ZDHHC21: variants seen among roughly 807,000 people sequenced by gnomAD.
The protein encoded by ZDHHC21 is zDHHC palmitoyltransferase 21, also known as palmitoyltransferase ZDHHC21.
A neutral mutation model predicts 34.6 loss-of-function variants in ZDHHC21; 15 were observed. The ratio of observed to expected loss-of-function variants is 0.43; its 90% confidence interval spans 0.29 to 0.67. ZDHHC21 has a LOEUF of 0.67. Ranked by LOEUF, ZDHHC21 falls within the 30% of genes least tolerant of loss-of-function variation. The pLI, the probability that ZDHHC21 is intolerant of heterozygous loss-of-function variation, is 0.14. For synonymous variants in ZDHHC21, 142 were observed against 101.8 expected, an observed-to-expected ratio of 1.40 and a Z score of -2.38; for missense variants, 344 against 327.7, an observed-to-expected ratio of 1.05 and a Z score of -0.38.
At chr9:14,672,970 C>A in intron 4 of ZDHHC21, 42 bp from the exon 5 acceptor site, 1 of 1,238,214 alleles carries the variant, frequency 8.1e-7, no homozygotes. Flanking sequence ...ACTTACCCTT[C>A]AAAACATTTT....
At chr9:14,647,293 G>A (rs112428852) in intron 7 of ZDHHC21, among the ~76,000 whole-genome samples, 3,986 of 152,098 alleles carry the variant, frequency 0.026, 84 homozygotes, top group Non-Finnish European at 0.04. Context: ...CTTAATGCAA[G>A]CTAAATGAAA....
chr9:14,592,956 T>G, the ZDHHC21 span, among the ~76,000 whole-genome samples: 1 of 152,224 alleles, frequency 6.6e-6, no homozygotes, highest in Middle Eastern at 3.4e-3. Flanking sequence ...TAAGATAGTT[T>G]TAATTGAATA....
intron 1 of ZDHHC21, among the ~76,000 whole-genome samples, chr9:14,692,813 A>G (rs1839352658): frequency 6.6e-6 from 1 of 152,114 alleles, no homozygotes; most frequent in Non-Finnish European, 1.5e-5. Flanking sequence ...GCACAGAGAA[A>G]CCCGGGATCC....
At chr9:14,668,269 A>C (rs10961646) in intron 5 of ZDHHC21, among the ~76,000 whole-genome samples, 48,507 of 129,928 alleles carry the variant, frequency 0.37, 8,496 homozygotes, top group Non-Finnish European at 0.39. Flanking sequence ...AAAGAGAATA[A>C]AATACCTAGG....
chr9:14,679,481 C>A (rs966691264), intron 3 of ZDHHC21, among the ~76,000 whole-genome samples: 4 of 152,040 alleles, frequency 2.6e-5, no homozygotes, highest in Non-Finnish European at 4.4e-5. Context: ...AATTTCTGCA[C>A]AAGTGCAGGA....
intron 8 of ZDHHC21, among the ~76,000 whole-genome samples, chr9:14,634,859 T>C (rs1391582982): frequency 1.3e-5 from 2 of 152,002 alleles, no homozygotes; most frequent in African/African-American, 4.8e-5. Flanking sequence ...CAAAAAGATA[T>C]ATATGAAATC....
intron 5 of ZDHHC21, among the ~76,000 whole-genome samples, chr9:14,667,112 T>C (rs1314375173): frequency 8.9e-6 from 1 of 112,534 alleles, no homozygotes; most frequent in African/African-American, 3.3e-5. Flanking sequence ...GCAAGACTAA[T>C]AAAGAAAAAA....
intron 7 of ZDHHC21, among the ~76,000 whole-genome samples, chr9:14,641,605 G>C (rs1161437628): frequency 6.6e-6 from 1 of 151,922 alleles, no homozygotes; most frequent in African/African-American, 2.4e-5. Context: ...ACATCTACCA[G>C]CCACCTCAGT....
chr9:14,663,994 C>G (rs112992768), intron 5 of ZDHHC21, among the ~76,000 whole-genome samples: 1 of 152,028 alleles, frequency 6.6e-6, no homozygotes, highest in African/African-American at 2.4e-5. Context: ...ACTTTGAATT[C>G]GGGGGGAGGA....
intron 7 of ZDHHC21, among the ~76,000 whole-genome samples, chr9:14,654,890 T>C (rs2133869902): frequency 6.6e-6 from 1 of 152,076 alleles, no homozygotes; most frequent in Non-Finnish European, 1.5e-5. Context: ...TTCACGTACA[T>C]GTAAGTAGAA....
intron 6 of ZDHHC21, among the ~76,000 whole-genome samples, chr9:14,661,425 A>G (rs1833374883): frequency 6.6e-6 from 1 of 152,226 alleles, no homozygotes; most frequent in Non-Finnish European, 1.5e-5. Flanking sequence ...GTGTATACAA[A>G]CATAAATACT....
intron 8 of ZDHHC21, among the ~76,000 whole-genome samples, chr9:14,623,392 G>A (rs1339986930): frequency 6.6e-6 from 1 of 151,968 alleles, no homozygotes; most frequent in East Asian, 1.9e-4. Flanking sequence ...GGCATGGCAT[G>A]GTGGCATGTG....
At chr9:14,659,322 A>T (rs1832933333) in intron 6 of ZDHHC21, among the ~76,000 whole-genome samples, 1 of 152,224 alleles carries the variant, frequency 6.6e-6, no homozygotes, top group East Asian at 1.9e-4. Context: ...AATGCCCTGA[A>T]GTAAACCAGC....
At chr9:14,677,838 T>C (rs1362913706) in intron 3 of ZDHHC21, among the ~76,000 whole-genome samples, 1 of 152,078 alleles carries the variant, frequency 6.6e-6, no homozygotes, top group East Asian at 1.9e-4. Flanking sequence ...GCAACTGTAT[T>C]TCACCATATA....
chr9:14,660,552 A>C (rs1301471807), intron 6 of ZDHHC21, among the ~76,000 whole-genome samples: 1 of 152,044 alleles, frequency 6.6e-6, no homozygotes, highest in Non-Finnish European at 1.5e-5. Context: ...TGCTCTCTGA[A>C]CATTTCAGCA....
At chr9:14,643,117 C>A (rs563658267) in intron 7 of ZDHHC21, among the ~76,000 whole-genome samples, 23 of 152,198 alleles carry the variant, frequency 1.5e-4, no homozygotes, top group Admixed American at 7.2e-4. Context: ...TACGGTGGTG[C>A]ATGCCTATAA....
intron 4 of ZDHHC21, 126 bp from the exon 5 acceptor site, chr9:14,673,054 A>G (rs1835764232): frequency 3.7e-6 from 2 of 534,532 alleles, no homozygotes; most frequent in Non-Finnish European, 6.2e-6. Flanking sequence ...TCAAAAGATT[A>G]AAAAATAAAT....
chr9:14,591,059 G>A, the ZDHHC21 span, among the ~76,000 whole-genome samples: 5 of 152,022 alleles, frequency 3.3e-5, no homozygotes, highest in Non-Finnish European at 1.5e-5. Context: ...CTGTGATATG[G>A]CATATTGTAA....
At chr9:14,673,341 C>G (rs1211020856) in intron 4 of ZDHHC21, among the ~76,000 whole-genome samples, 1 of 151,936 alleles carries the variant, frequency 6.6e-6, no homozygotes, top group Non-Finnish European at 1.5e-5. Flanking sequence ...CAATATTACT[C>G]TGAATTAGTG....
Sources: gnomAD v4.1 joint callset for allele counts (sites outside exome capture counted in the v4.1 genomes callset) on GRCh38, gnomAD v4.1.1 for gene constraint, MANE v1.5 for transcripts, NCBI Gene and HGNC (gene_info 2026-07-23, HGNC 2026-07-21) for gene names.